The following NGEF variants were observed in gnomAD, a reference collection of about 807,000 sequenced individuals.
NGEF encodes ephexin-1.
In NGEF, 31 loss-of-function variants were observed where a neutral mutation model predicts 80.9. The ratio of observed to expected loss-of-function variants is 0.38; its 90% CI spans 0.29 to 0.52. The LOEUF (loss-of-function observed/expected upper bound fraction) is 0.52. NGEF is among the 20% of genes least tolerant of loss of function. NGEF has a pLI of 0.84. For synonymous variants in NGEF, 371 were observed against 370.2 expected (o/e 1.00, Z -0.03); for missense variants, 709 against 926.2 (o/e 0.77, Z 3.04).
At chr2:232,949,482 C>CTTT (rs71398759) in intron 3 of NGEF, among the ~76,000 whole-genome samples, 39 of 147,186 alleles carry the variant, frequency 2.6e-4, no homozygotes, top group East Asian at 6.0e-4. Flanking sequence ...TGCACTCTTT[C>CTTT]TTTTTTTTTT....
intron 5 of NGEF, among the ~76,000 whole-genome samples, chr2:232,897,107 G>A (rs1200376870): frequency 6.9e-6 from 1 of 145,014 alleles, no homozygotes; most frequent in African/African-American, 2.6e-5. Flanking sequence ...GTGGGGGAAG[G>A]GGTGAGGGTA....
chr2:232,999,966 T>C (rs1446560501), intron 1 of NGEF, among the ~76,000 whole-genome samples: 2 of 152,220 alleles, frequency 1.3e-5, no homozygotes, highest in African/African-American at 4.8e-5. Flanking sequence ...CTGCTAACAC[T>C]GCCATAAAAA....
chr2:232,933,247 G>A (rs1466635781), intron 3 of NGEF, among the ~76,000 whole-genome samples: 2 of 152,050 alleles, frequency 1.3e-5, no homozygotes, highest in East Asian at 1.9e-4. Context: ...AATTTTGCAG[G>A]AGAGATTAAA....
chr2:233,012,310 G>T (rs1695225528), intron 1 of NGEF, among the ~76,000 whole-genome samples: 1 of 152,166 alleles, frequency 6.6e-6, no homozygotes. Flanking sequence ...AATCAAGATA[G>T]ACAATAAGAA....
Position 232,954,447 on chromosome 2 carries a change from C to T in NGEF, c.383+15767G>A, listed in dbSNP as rs140991282. 4.3e-4 allele frequency among the ~76,000 whole-genome samples: 66 copies of T among 152,148 alleles called. 2 individuals are homozygous for T. In the East Asian group the frequency reaches 0.011, roughly 25 times the overall value. On this transcript the variant is annotated intron_variant, in intron 3 of 14. Coordinates refer to ENST00000264051, the MANE Select transcript of NGEF (RefSeq NM_019850.3). Reference sequence around the variant, plus strand: ...GGGAGCTTAAGAGAGGAGTTCCAGCCGGGCGCAGTGGCTCACACCTGTAAT... The same window carrying T: ...GGGAGCTTAAGAGAGGAGTTCCAGCTGGGCGCAGTGGCTCACACCTGTAAT...
chr2:232,926,410 G>C lies in NGEF; in HGVS notation c.526+634C>G, dbSNP rs1174926952. Among the ~76,000 whole-genome samples the C allele has an allele frequency of 4.0e-5, 6 of 151,728 alleles. No individual in the cohort carries two copies. The East Asian group carries it at 1.2e-3, about 29-fold the overall frequency. Reference sequence around the variant, plus strand: ...TGAATCCATTTTCCCTATTCACAGTGCTTCAGGTGCAGCTGTGTAGCAGTT... The same window carrying C: ...TGAATCCATTTTCCCTATTCACAGTCCTTCAGGTGCAGCTGTGTAGCAGTT... On this transcript the variant is annotated intron_variant, in intron 4 of 14. Coordinates refer to ENST00000264051, the MANE Select transcript of NGEF (RefSeq NM_019850.3).
chr2:232,926,015 G>A (rs1020261891), intron 4 of NGEF, among the ~76,000 whole-genome samples: 4 of 152,044 alleles, frequency 2.6e-5, no homozygotes, highest in Non-Finnish European at 5.9e-5. Flanking sequence ...GCTCAGTTTA[G>A]AAAGATCCCT....
At chr2:232,899,289 G>A (rs531487146) in intron 5 of NGEF, among the ~76,000 whole-genome samples, 2 of 152,090 alleles carry the variant, frequency 1.3e-5, no homozygotes, top group African/African-American at 4.8e-5. Flanking sequence ...CAGGGAATGC[G>A]CATGTAGCCT....
At chr2:232,909,643 G>T (rs996455213) in intron 5 of NGEF, among the ~76,000 whole-genome samples, 2 of 152,174 alleles carry the variant, frequency 1.3e-5, no homozygotes, top group East Asian at 3.9e-4. Context: ...CTGCAGGTTC[G>T]TGTAACCCAC....
At chr2:232,970,428 G>A (rs967983608) in intron 2 of NGEF, 100 bp from the exon 3 acceptor site, 1 of 762,740 alleles carries the variant, frequency 1.3e-6, no homozygotes, top group Admixed American at 3.0e-5. Flanking sequence ...CATGCTGGAA[G>A]GTGGAGGAAG....
intron 3 of NGEF, among the ~76,000 whole-genome samples, chr2:232,938,393 A>G (rs1435488315): frequency 6.6e-6 from 1 of 152,120 alleles, no homozygotes; most frequent in Non-Finnish European, 1.5e-5. Context: ...GCCCCAGATA[A>G]CTCGTGGATA....
At chr2:232,899,556 T>C (rs942346804) in intron 5 of NGEF, among the ~76,000 whole-genome samples, 13 of 151,990 alleles carry the variant, frequency 8.6e-5, no homozygotes, top group African/African-American at 2.7e-4. Context: ...TCACTCACAT[T>C]CACTTACACA....
intron 3 of NGEF, chr2:232,928,026 G>A: frequency 8.3e-7 from 1 of 1,202,646 alleles, no homozygotes; most frequent in Non-Finnish European, 1.0e-6. Context: ...CGGGTGCGGG[G>A]GCCGGGTCGG....
At chr2:232,932,139 T>G (rs1693226123) in intron 3 of NGEF, among the ~76,000 whole-genome samples, 1 of 151,468 alleles carries the variant, frequency 6.6e-6, no homozygotes, top group Non-Finnish European at 1.5e-5. Flanking sequence ...CTATTCTTTA[T>G]GAGTTCTCTC....
Position 232,879,662 on chromosome 2 carries a change from G to A in NGEF, c.1960C>T (p.Arg654Cys), listed in dbSNP as rs752947664. 1.2e-5 allele frequency: 20 copies of A among 1,612,546 alleles called. No individual in the cohort carries two copies. The highest frequency in any genetic ancestry group is 1.1e-5 in the South Asian group (1 of 91,078). Residue 654 changes from arginine (R) to cysteine (C), a missense_variant, in exon 15 of 15, where the codon CGT becomes TGT. By Grantham distance (180) the Arg-to-Cys change is radical. Around this residue, in one of 2 missense-constraint regions of NGEF, gnomAD observed 426 missense variants for 622.9 expected, o/e 0.68. Coordinates refer to ENST00000264051, the MANE Select transcript of NGEF (RefSeq NM_019850.3). Reference protein sequence around the residue: ...KTDDGWIFGERLHDQERGWFP... With the variant: ...KTDDGWIFGECLHDQERGWFP... ...CAGCCTCTCTCCTGGTCGTGCAGAC[G>A]CTCGCCAAAGATCCACCCTGTGCAG...
At chr2:232,915,027 A>G (rs1484915775) in intron 5 of NGEF, among the ~76,000 whole-genome samples, 1 of 151,910 alleles carries the variant, frequency 6.6e-6, no homozygotes, top group Non-Finnish European at 1.5e-5. Context: ...CAAAAAAAAA[A>G]AAAAAAAAGA....
At chr2:233,012,190 A>G (rs1294506456) in intron 1 of NGEF, among the ~76,000 whole-genome samples, 1 of 152,242 alleles carries the variant, frequency 6.6e-6, no homozygotes, top group Non-Finnish European at 1.5e-5. Context: ...TTTTCCCAAA[A>G]AGCAGAAATA....
At chr2:232,964,298 T>C (rs1694013528) in intron 3 of NGEF, among the ~76,000 whole-genome samples, 1 of 152,242 alleles carries the variant, frequency 6.6e-6, no homozygotes, top group South Asian at 2.1e-4. Context: ...AGGATGTTCA[T>C]AGCAACTTTA....
Position 232,897,207 on chromosome 2 carries a change from G to A in NGEF, c.829-2291C>T, listed in dbSNP as rs144265094. On this transcript the variant is annotated intron_variant, in intron 5 of 14. Coordinates refer to ENST00000264051, the MANE Select transcript of NGEF (RefSeq NM_019850.3). ...CTCACTCCTTTTAGGGCCGCCCTCC[G>A]GTTTCTCCACTCATCAGAGCCCTGA... Among the ~76,000 whole-genome samples the A allele has an allele frequency of 8.9e-3, 1,354 of 151,830 alleles. 26 individuals are homozygous for A. Among genetic ancestry groups the A allele is most frequent in the African/African-American group, 0.031 (1,285 of 41,330 alleles).
Sources: gnomAD v4.1 joint callset for allele counts (sites outside exome capture counted in the v4.1 genomes callset) on GRCh38, gnomAD v4.1.1 for gene constraint, gnomAD v4.1.1 regional missense constraint, MANE v1.5 for transcripts, NCBI Gene and HGNC (gene_info 2026-07-23, HGNC 2026-07-21) for gene names.